LAMA2: variants seen among roughly 807,000 people sequenced by gnomAD.
The protein encoded by LAMA2 is laminin subunit alpha 2.
LAMA2 carries 269 observed loss-of-function variants against 364.8 expected under a neutral mutation model. The observed-to-expected ratio is 0.74, with a 90% CI of 0.67 to 0.82. LAMA2 has a LOEUF of 0.82. LAMA2 is among the 40% of genes least tolerant of loss of function. The probability of loss-of-function intolerance (pLI) is 0.00; values close to 1 mark genes in which losing one functional copy is unlikely to be tolerated. For missense variants in LAMA2, 3,807 were observed against 3,873.2 expected (o/e 0.98, Z 0.45); for synonymous variants, 1,379 against 1,370.6 (o/e 1.01, Z -0.14).
At chr6:129,216,961 C>A (rs537932913) in intron 12 of LAMA2, among the ~76,000 whole-genome samples, 1 of 151,998 alleles carries the variant, frequency 6.6e-6, no homozygotes. Context: ...GAGGCTGAGG[C>A]GGGTGGATCA....
intron 12 of LAMA2, among the ~76,000 whole-genome samples, chr6:129,231,694 C>A (rs1784678005): frequency 6.6e-6 from 1 of 152,076 alleles, no homozygotes; most frequent in South Asian, 2.1e-4. Flanking sequence ...ACTACCCATG[C>A]ACTTTCCTCC....
At chr6:128,884,639 T>C (rs1442134601) in intron 1 of LAMA2, among the ~76,000 whole-genome samples, 1 of 152,206 alleles carries the variant, frequency 6.6e-6, no homozygotes, top group Non-Finnish European at 1.5e-5. Context: ...TTTCCTTCTA[T>C]TTTTGCTTTT....
intron 1 of LAMA2, among the ~76,000 whole-genome samples, chr6:129,021,335 A>G (rs1353637432): frequency 6.6e-6 from 1 of 152,222 alleles, no homozygotes; most frequent in Non-Finnish European, 1.5e-5. Flanking sequence ...TTTATACAAA[A>G]GTTAAAATAA....
At chr6:128,990,145 T>C (rs1244727761) in intron 1 of LAMA2, among the ~76,000 whole-genome samples, 1 of 152,236 alleles carries the variant, frequency 6.6e-6, no homozygotes, top group African/African-American at 2.4e-5. Flanking sequence ...TACAGAGATA[T>C]GTTTCAGAGG....
chr6:129,128,927 T>C (rs1777282843), intron 4 of LAMA2, among the ~76,000 whole-genome samples: 1 of 152,204 alleles, frequency 6.6e-6, no homozygotes, highest in South Asian at 2.1e-4. Context: ...GAAATATTTC[T>C]TAAGTAAACT....
At chr6:129,119,015 A>G (rs757071781) in intron 4 of LAMA2, among the ~76,000 whole-genome samples, 35 of 152,214 alleles carry the variant, frequency 2.3e-4, no homozygotes, top group Non-Finnish European at 4.9e-4. Context: ...TTATATGAGA[A>G]TTGTTTTGGG....
At chr6:129,388,329 A>T (rs749519870) in intron 35 of LAMA2, among the ~76,000 whole-genome samples, 1 of 152,006 alleles carries the variant, frequency 6.6e-6, no homozygotes, top group African/African-American at 2.4e-5. Context: ...CCACCATGGC[A>T]TATGTATTCC....
Position 129,402,226 on chromosome 6 carries a change from A to C in LAMA2, c.5563-98A>C, listed in dbSNP as rs577773269. ...TCTGTCTCAAAAAAAAAAAAAAAAAAACTAAACTAAACGTGTAGTTATGTC... is the reference window on the plus strand; with the variant it reads ...TCTGTCTCAAAAAAAAAAAAAAAAACACTAAACTAAACGTGTAGTTATGTC... On this transcript the variant is annotated intron_variant, in intron 38 of 64. Coordinates refer to ENST00000421865, the MANE Select transcript of LAMA2 (RefSeq NM_000426.4). The C allele has an allele frequency of 1.3e-4, 122 of 927,180 alleles. No individual in the cohort carries two copies. In the African/African-American group the frequency reaches 1.5e-3, roughly 12 times the overall value. The allele number at this position is 927,180 out of a possible 1,614,324, so 57.4% of individuals were successfully genotyped here. A position where few individuals can be genotyped will look rare whatever the true frequency, so the allele number is the denominator to read the frequency against.
At chr6:129,131,534 C>G (rs534616508) in intron 4 of LAMA2, among the ~76,000 whole-genome samples, 1 of 152,238 alleles carries the variant, frequency 6.6e-6, no homozygotes, top group South Asian at 2.1e-4. Flanking sequence ...TGTGTGCTTG[C>G]TAAATCTACA....
At chr6:128,911,078 T>C (rs916470988) in intron 1 of LAMA2, among the ~76,000 whole-genome samples, 3 of 152,098 alleles carry the variant, frequency 2.0e-5, no homozygotes, top group Non-Finnish European at 4.4e-5. Flanking sequence ...CAGAGGTTAC[T>C]GCTGTCTTTT....
At chr6:129,282,855 G>A (rs567093838) in intron 18 of LAMA2, among the ~76,000 whole-genome samples, 2 of 152,218 alleles carry the variant, frequency 1.3e-5, no homozygotes, top group Admixed American at 6.6e-5. Context: ...GGAACTGGTG[G>A]CTTTCAGAGC....
At chr6:129,466,645 C>A (rs976904224) in intron 51 of LAMA2, among the ~76,000 whole-genome samples, 2 of 151,904 alleles carry the variant, frequency 1.3e-5, no homozygotes, top group Non-Finnish European at 2.9e-5. Context: ...GCTGTTTAAC[C>A]CAGCATTTCC....
At chr6:129,208,631 GAAGA>G (rs1385034113) in intron 12 of LAMA2, among the ~76,000 whole-genome samples, 47 of 110,962 alleles carry the variant, frequency 4.2e-4, no homozygotes, top group South Asian at 1.4e-3. Flanking sequence ...AAGAAAGAAA[GAAGA>G]AAGAAAGAAG....
At chr6:129,366,131 C>T (rs1422030454) in intron 32 of LAMA2, 88 bp from the exon 33 acceptor site, 4 of 1,360,882 alleles carry the variant, frequency 2.9e-6, no homozygotes, top group South Asian at 1.2e-5. Flanking sequence ...TATTCTTGGA[C>T]CATAAAATAT....
At chr6:129,457,856 C>T (rs188371355) in intron 48 of LAMA2, among the ~76,000 whole-genome samples, 2 of 152,216 alleles carry the variant, frequency 1.3e-5, no homozygotes, top group Non-Finnish European at 2.9e-5. Flanking sequence ...AGGCTTCTTG[C>T]TGTTCTCACA....
intron 40 of LAMA2, among the ~76,000 whole-genome samples, chr6:129,418,006 C>A (rs1247438253): frequency 6.6e-6 from 1 of 151,970 alleles, no homozygotes; most frequent in East Asian, 1.9e-4. Flanking sequence ...GGGCAGGGTT[C>A]CCCCACCTTC....
Position 129,492,066 on chromosome 6 carries a change from T to C in LAMA2, c.8064T>C (p.Val2688=), listed in dbSNP as rs1436245085. 1 of 1,613,792 alleles carries C rather than the reference T, an allele frequency of 6.2e-7. No homozygotes were observed. The highest frequency in any genetic ancestry group is 2.2e-5 in the East Asian group (1 of 44,854). The change falls in exon 57 of 65, where the codon GTT becomes GTC. Residue 2688 remains valine, a synonymous_variant. Transcript: ENST00000421865. ...TTGAAGGCTGCATATGGAATCTTGT[T>C]ATTAACTCTGTGTAAGTGGATCTCC... ...PPFEGCIWNL[V]INSVPMDFAR... is the part of the protein sequence containing the mutation.
chr6:129,342,122 A>G (rs1776299936), intron 29 of LAMA2, among the ~76,000 whole-genome samples: 1 of 152,234 alleles, frequency 6.6e-6, no homozygotes, highest in South Asian at 2.1e-4. Context: ...CAGTGTAGCT[A>G]CGATAGCACA....
At chr6:129,478,279 T>G (rs887898745) in intron 53 of LAMA2, among the ~76,000 whole-genome samples, 11 of 152,230 alleles carry the variant, frequency 7.2e-5, no homozygotes, top group African/African-American at 2.4e-4. Flanking sequence ...TTTCAGATTT[T>G]TTTTTCTAAC....
Sources: gnomAD v4.1 joint callset for allele counts (sites outside exome capture counted in the v4.1 genomes callset) on GRCh38, gnomAD v4.1.1 for gene constraint, MANE v1.5 for transcripts, NCBI Gene and HGNC (gene_info 2026-07-23, HGNC 2026-07-21) for gene names.